Variants in GNB3 observed in about 807,000 individuals in gnomAD.
GNB3 encodes the protein guanine nucleotide-binding protein G(I)/G(S)/G(T) subunit beta-3.
GNB3 carries 33 observed loss-of-function variants against 41.2 expected under a neutral mutation model. The ratio of observed to expected loss-of-function variants is 0.80; its 90% CI spans 0.61 to 1.07. The LOEUF (loss-of-function observed/expected upper bound fraction) is 1.07. GNB3 is among the 50% of genes least tolerant of loss of function. The probability of loss-of-function intolerance (pLI) is 0.00; values close to 1 mark genes in which losing one functional copy is unlikely to be tolerated. For missense variants in GNB3, 409 were observed against 455.3 expected (o/e 0.90, Z 0.92); for synonymous variants, 172 against 173.4 (o/e 0.99, Z 0.06).
rs1555123836 is a variant in GNB3 at position 6,843,447 on chromosome 12, GACA to G, written c.356_358del (p.Asn119del). ...GAACTTTGTGGCATGTGGGGGGCTG[GACA>G]ACATGTGTTCCATCTACAACCTCAA... On this transcript the variant is annotated inframe_deletion, in exon 6 of 10. Coordinates refer to ENST00000229264, the MANE Select transcript of GNB3 (RefSeq NM_002075.4). The surrounding 1 kb of genome is among the most constrained non-coding windows in gnomAD (Gnocchi z 5.9). The G allele has an allele frequency of 1.2e-6, 2 of 1,613,958 alleles. No individual in the cohort carries two copies. The highest frequency in any genetic ancestry group is 1.3e-5 in the African/African-American group (1 of 74,924).
chr12:6,843,418 C>T lies in GNB3; in HGVS notation c.323C>T (p.Ser108Leu). The T allele has an allele frequency of 1.2e-6, 2 of 1,614,042 alleles. No individual in the cohort carries two copies. Among genetic ancestry groups the T allele is most frequent in the Non-Finnish European group, 1.7e-6 (2 of 1,179,872 alleles). Residue 108 changes from serine (S) to leucine (L), a missense_variant, in exon 6 of 10, where the codon TCA becomes TTA. Transcript: ENST00000229264. This position sits in a 1 kb window ranked among gnomAD's most constrained non-coding sequence, Gnocchi z 5.9. ...SWVMTCAYAP[S>L]GNFVACGGLD... ...GTCATGACCTGTGCCTATGCCCCAT[C>T]AGGGAACTTTGTGGCATGTGGGGGG...
intron 1 of GNB3, 33 bp from the exon 2 acceptor site, chr12:6,841,225 G>C: frequency 7.2e-7 from 1 of 1,383,382 alleles, no homozygotes; most frequent in Non-Finnish European, 1.0e-6. Context: ...CCTGGTGGGG[G>C]GTTCCTCAAC....
At chr12:6,846,242 C>G (rs1474249791) in intron 9 of GNB3, 1 of 180,428 alleles carries the variant, frequency 5.5e-6, no homozygotes, top group Non-Finnish European at 1.2e-5. Context: ...GGCTTCTTCT[C>G]TATCAAGAGG....
chr12:6,843,813 T>A lies in GNB3; in HGVS notation c.534T>A (p.Thr178=). ...LWDIETGQQK[T]VFVGHTGDCM... ...ACATTGAGACTGGGCAGCAGAAGAC[T>A]GTATTTGTGGGACACACGGGTGACT... The change falls in exon 8 of 10, where the codon ACT becomes ACA. Residue 178 remains threonine (T), a synonymous_variant. Coordinates refer to ENST00000229264, the MANE Select transcript of GNB3 (RefSeq NM_002075.4). The surrounding 1 kb of genome is among the most constrained non-coding windows in gnomAD (Gnocchi z 5.9). The A allele has an allele frequency of 6.2e-7, 1 of 1,614,140 alleles. No individual in the cohort carries two copies. The highest frequency in any genetic ancestry group is 8.5e-7 in the Non-Finnish European group (1 of 1,179,994).
chr12:6,845,222 G>A (rs1555124340), intron 8 of GNB3: 1 of 237,206 alleles, frequency 4.2e-6, no homozygotes. Flanking sequence ...CCTTGCATTT[G>A]TACTGGACCC....
chr12:6,841,704 C>T (rs782240155), intron 3 of GNB3, 80 bp downstream of exon 3: 30 of 1,011,326 alleles, frequency 3.0e-5, no homozygotes, highest in Middle Eastern at 4.0e-4. Context: ...CGCGTTGCTC[C>T]GAGCATTAGT....
Position 6,841,017 on chromosome 12 carries a change from G to A in GNB3, c.-47G>A, listed in dbSNP as rs1436224712. 9.5e-6 allele frequency: 5 copies of A among 526,508 alleles called. No homozygotes were observed. The highest frequency in any genetic ancestry group is 2.0e-5 in the African/African-American group (1 of 50,470). 32.6% of individuals were successfully genotyped at this position (526,508 alleles called of 1,614,324 possible). ...AACCGGAGCTGGAAACCCGGCCGAG[G>A]TCCAGCCAGAGCCCAAGTAAGAGGG... On this transcript the variant is annotated 5_prime_UTR_variant, in exon 1 of 10. Transcript: ENST00000229264.
chr12:6,842,124 A>G (rs142930950), intron 3 of GNB3, among the ~76,000 whole-genome samples: 3 of 152,362 alleles, frequency 2.0e-5, no homozygotes, highest in East Asian at 3.9e-4. Flanking sequence ...TATGAGCCAG[A>G]TACTGGGCTA....
Position 6,845,576 on chromosome 12 carries a change from G to T in GNB3, c.700-10G>T. On this transcript the variant is annotated splice_polypyrimidine_tract_variant and intron_variant, in intron 8 of 9. Coordinates refer to ENST00000229264, the MANE Select transcript of GNB3 (RefSeq NM_002075.4). ...CTGATCCCTGACCCACTTGCCACCC[G>T]TGCCCTCAGTTCTTCCCCAATGGAG... The T allele has an allele frequency of 6.3e-7, 1 of 1,596,998 alleles. No individual in the cohort carries two copies.
Position 6,846,991 on chromosome 12 carries a change from G to C in GNB3, c.*93G>C, listed in dbSNP as rs782259618. The C allele has an allele frequency of 5.4e-6, 4 of 738,554 alleles. No homozygotes were observed. Among genetic ancestry groups the C allele is most frequent in the Admixed American group, 4.2e-5 (2 of 47,896 alleles). The allele number at this position is 738,554 out of a possible 1,614,324, so 45.8% of individuals were successfully genotyped here. ...ATTCAGGTGTTCTCTTCTATATTCC[G>C]GGTGCCATTCCCACTAAGCTTTCTC... On this transcript the variant is annotated 3_prime_UTR_variant, in exon 10 of 10. Transcript: ENST00000229264.
Position 6,846,832 on chromosome 12 carries a change from A to G in GNB3, c.957A>G (p.Gly319=). The G allele has an allele frequency of 6.2e-7, 1 of 1,602,348 alleles. No homozygotes were observed. The highest frequency in any genetic ancestry group is 2.2e-5 in the East Asian group (1 of 44,592). Residue 319 remains glycine, a synonymous_variant, in exon 10 of 10, where the codon GGA becomes GGG. Coordinates refer to ENST00000229264, the MANE Select transcript of GNB3 (RefSeq NM_002075.4). The part of the protein sequence containing the change: ...SGHDNRVSCL[G]VTADGMAVAT... ...ACGATAACAGGGTGAGCTGCCTGGG[A>G]GTCACAGCTGACGGGATGGCTGTGG...
Position 6,843,198 on chromosome 12 carries a change from T to C in GNB3, c.228T>C (p.Asp76=), listed in dbSNP as rs1308922212. The change falls in exon 5 of 10, where the codon GAT becomes GAC. Residue 76 remains aspartate (D), a synonymous_variant. Transcript: ENST00000229264. This position sits in a 1 kb window ranked among gnomAD's most constrained non-coding sequence, Gnocchi z 5.9. ...GGCTGCTGGTAAGTGCCTCGCAAGA[T>C]GGGAAGCTGATCGTGTGGGACAGCT... ...DSKLLVSASQ[D]GKLIVWDSYT... is the part of the protein sequence containing the mutation. The C allele has an allele frequency of 2.5e-6, 4 of 1,613,896 alleles. No individual in the cohort carries two copies. In the African/African-American group the frequency reaches 5.3e-5, roughly 22 times the overall value.
In GNB3 at chr12:6,847,248, C is replaced by T. The variant is rs1943725029; in HGVS notation, c.*350C>T. Reference sequence around the variant, plus strand: ...CTCCCCCAGAGCCACTACCTTTGTCCAGGCCTGGGTGGTATAGGGCGTTTG... The same window carrying T: ...CTCCCCCAGAGCCACTACCTTTGTCTAGGCCTGGGTGGTATAGGGCGTTTG... On this transcript the variant is annotated 3_prime_UTR_variant, in exon 10 of 10. Coordinates refer to ENST00000229264, the MANE Select transcript of GNB3 (RefSeq NM_002075.4). 2 of 312,850 alleles carry T rather than the reference C, an allele frequency of 6.4e-6. No homozygotes were observed. Among genetic ancestry groups the T allele is most frequent in the Admixed American group, 4.3e-5 (1 of 23,040 alleles). The allele number at this position is 312,850 out of a possible 1,614,324, so 19.4% of individuals were successfully genotyped here.
rs782236491 is a variant in GNB3, at chr12:6,843,193, C to G, written c.223C>G (p.Gln75Glu). 2 of 1,613,972 alleles carry G rather than the reference C, an allele frequency of 1.2e-6. No homozygotes were observed. Among genetic ancestry groups the G allele is most frequent in the Admixed American group, 3.3e-5 (2 of 60,018 alleles). ...CCCCAGGCTGCTGGTAAGTGCCTCG[C>G]AAGATGGGAAGCTGATCGTGTGGGA... is the stretch of plus-strand genomic sequence containing the variant. ...TDSKLLVSAS[Q>E]DGKLIVWDSY... Residue 75 changes from glutamine (Q) to glutamate (E), a missense_variant, in exon 5 of 10, where the codon CAA becomes GAA. By Grantham distance (29) the Gln-to-Glu change is conservative. Coordinates refer to ENST00000229264, the MANE Select transcript of GNB3 (RefSeq NM_002075.4). The surrounding 1 kb of genome is among the most constrained non-coding windows in gnomAD (Gnocchi z 5.9).
Position 6,843,531 on chromosome 12 carries a change from G to A in GNB3, c.430+6G>A. 3.1e-6 allele frequency: 5 copies of A among 1,614,036 alleles called. No homozygotes were observed. Among genetic ancestry groups the A allele is most frequent in the Non-Finnish European group, 4.2e-6 (5 of 1,179,906 alleles). On this transcript the variant is annotated splice_donor_region_variant and intron_variant, in intron 6 of 9. Transcript: ENST00000229264. The surrounding 1 kb of genome is among the most constrained non-coding windows in gnomAD (Gnocchi z 5.9). ...GGAGCTTTCTGCTCACACAGGTGAG[G>A]GAGAGACCCTCTCCTCCCCTCCTGA...
chr12:6,843,211 G>A lies in GNB3; in HGVS notation c.241G>A (p.Val81Met), dbSNP rs45616032. 2.6e-5 allele frequency: 42 copies of A among 1,613,772 alleles called. No individual in the cohort carries two copies. Among genetic ancestry groups the A allele is most frequent in the Non-Finnish European group, 2.8e-5 (33 of 1,179,824 alleles). The change falls in exon 5 of 10, where the codon GTG (valine) becomes ATG (methionine). Residue 81 changes from valine to methionine, a missense_variant. Val to Met is a conservative substitution (Grantham distance 21, BLOSUM62 1). Transcript: ENST00000229264. This position sits in a 1 kb window ranked among gnomAD's most constrained non-coding sequence, Gnocchi z 5.9. ...VSASQDGKLI[V>M]WDSYTTNKVH... is the part of the protein sequence containing the mutation. ...TGCCTCGCAAGATGGGAAGCTGATC[G>A]TGTGGGACAGCTACACCACCAACAA...
intron 1 of GNB3, 93 bp from the exon 2 acceptor site, chr12:6,841,165 G>T (rs971110533): frequency 6.5e-6 from 5 of 774,046 alleles, no homozygotes; most frequent in Non-Finnish European, 1.1e-5. Flanking sequence ...CCACCCAGTC[G>T]TTTCCCTGTG....
In GNB3 at chr12:6,843,695, C is replaced by T. The variant is rs782130029; in HGVS notation, c.494C>T (p.Thr165Met). The T allele has an allele frequency of 5.6e-6, 9 of 1,613,810 alleles. No homozygotes were observed. The East Asian group carries it at 6.7e-5, about 12-fold the overall frequency. ...NNIVTSSGDT[T>M]CALWDIETGQ... ...ATTGTGACCAGCTCGGGGGACACCA[C>T]GTGGTGAGGCTGAACATTGCTGGTG... The change falls in exon 7 of 10, where the codon ACG (threonine) becomes ATG (methionine). Residue 165 changes from threonine to methionine, a missense_variant. Physicochemically the swap from Thr to Met is moderately conservative, Grantham distance 81 (BLOSUM62 -1). Transcript: ENST00000229264. This position sits in a 1 kb window ranked among gnomAD's most constrained non-coding sequence, Gnocchi z 5.9.
In GNB3 at chr12:6,843,013, C is replaced by T. The variant is rs116400596; in HGVS notation, c.140C>T (p.Thr47Met). The T allele has an allele frequency of 6.7e-5, 104 of 1,563,882 alleles. 1 individual carries two copies. The highest frequency in any genetic ancestry group is 5.3e-4 in the South Asian group (44 of 82,952). ...GTGGTGGGACGAGTCCAGATGCGGA[C>T]GCGGCGGACGTTAAGGGGACACCTG... ...LEVVGRVQMRTRRTLRGHLAK... is the reference protein window; with the variant it reads ...LEVVGRVQMRMRRTLRGHLAK... Residue 47 changes from threonine (T) to methionine (M), a missense_variant, in exon 4 of 10, where the codon ACG becomes ATG. Physicochemically the swap from Thr to Met is moderately conservative, Grantham distance 81. Transcript: ENST00000229264. The surrounding 1 kb of genome is among the most constrained non-coding windows in gnomAD (Gnocchi z 5.9).
Sources: allele counts gnomAD v4.1 joint callset (sites outside exome capture counted in the v4.1 genomes callset), GRCh38; gene constraint gnomAD v4.1.1; non-coding constraint Gnocchi (gnomAD v3.1); transcripts MANE v1.5; gene names NCBI Gene and HGNC (gene_info 2026-07-23, HGNC 2026-07-21).